Variants in VNN2 observed in about 807,000 individuals in gnomAD.
VNN2 encodes the protein pantetheine hydrolase VNN2.
A neutral mutation model predicts 43.0 loss-of-function variants in VNN2; 43 were observed. The observed-to-expected ratio is 1.00, with a 90% CI of 0.78 to 1.29. The LOEUF (loss-of-function observed/expected upper bound fraction) is 1.29, where lower values mean the gene tolerates loss of function less well. Ranked by LOEUF, VNN2 falls within the 50% of genes most tolerant of loss-of-function variation. VNN2 has a pLI of 0.00. For missense variants in VNN2, 652 were observed against 619.7 expected, an observed-to-expected ratio of 1.05 and a Z score of -0.55; for synonymous variants, 230 against 224.3, an observed-to-expected ratio of 1.03 and a Z score of -0.23.
upstream of VNN2, chr6:132,757,928 A>G (rs953850181): frequency 6.5e-7 from 1 of 1,538,612 alleles, no homozygotes; most frequent in Admixed American, 1.8e-5. Context: ...ACATTCATGT[A>G]GTATTTACAG....
rs761249311 is a variant in VNN2, at chr6:132,756,054, A to G, written c.345-19T>C. 3 of 1,516,696 alleles carry G rather than the reference A, an allele frequency of 2.0e-6. No homozygotes were observed. The highest frequency in any genetic ancestry group is 2.6e-6 in the Non-Finnish European group (3 of 1,134,368). The allele number at this position is 1,516,696 out of a possible 1,614,324, so 94.0% of individuals were successfully genotyped here. A position where few individuals can be genotyped will look rare whatever the true frequency, so the allele number is the denominator to read the frequency against. Reference sequence around the variant, plus strand: ...ACCAAATCTAAACCAAATTATAATTAAGAAATTTCAATTTTAAAAAAATAT... The same window carrying G: ...ACCAAATCTAAACCAAATTATAATTGAGAAATTTCAATTTTAAAAAAATAT... On this transcript the variant is annotated intron_variant, in intron 2 of 6. Transcript: ENST00000326499.
intron 3 of VNN2, chr6:132,753,434 A>G (rs1184776230): frequency 2.3e-6 from 1 of 443,628 alleles, no homozygotes. Context: ...GTCAGGTGAG[A>G]GATGTCATCT....
At chr6:132,744,967 C>T (rs916258216) in intron 6 of VNN2, among the ~76,000 whole-genome samples, 2 of 151,592 alleles carry the variant, frequency 1.3e-5, no homozygotes, top group East Asian at 1.9e-4. Context: ...ACACAAGCTG[C>T]CAAAAACTCA....
upstream of VNN2, among the ~76,000 whole-genome samples, chr6:132,761,288 T>C (rs1265802176): frequency 1.3e-5 from 2 of 151,946 alleles, no homozygotes; most frequent in African/African-American, 4.8e-5. Flanking sequence ...ATTTTGGGAT[T>C]AATGAACTTA....
Position 132,744,089 on chromosome 6 carries a change from A to G in VNN2, c.*211T>C. 2.5e-6 allele frequency: 1 copy of G among 400,544 alleles called. No homozygotes were observed. Among genetic ancestry groups the G allele is most frequent in the East Asian group, 4.8e-5 (1 of 20,930 alleles). 24.8% of individuals were successfully genotyped at this position (400,544 alleles called of 1,614,324 possible). ...TGACCCAAACACCCAGGCTCTTTCC[A>G]TTGTTCCACACTGCAACATTTCAGA... is the stretch of plus-strand genomic sequence containing the variant. On this transcript the variant is annotated 3_prime_UTR_variant, in exon 7 of 7. Transcript: ENST00000326499.
chr6:132,754,615 G>A (rs1331244548), intron 3 of VNN2, among the ~76,000 whole-genome samples: 1 of 152,140 alleles, frequency 6.6e-6, no homozygotes, highest in Non-Finnish European at 1.5e-5. Context: ...CATACTGCCT[G>A]TACATCACAC....
chr6:132,753,033 T>C (rs940312750), intron 3 of VNN2: 1 of 309,432 alleles, frequency 3.2e-6, no homozygotes, highest in African/African-American at 2.2e-5. Context: ...GTCCGTAAGC[T>C]TTTTTTAAAT....
intron 5 of VNN2, 134 bp downstream of exon 5, chr6:132,751,011 T>TTGTG (rs1554217890): frequency 2.1e-6 from 2 of 935,758 alleles, no homozygotes; most frequent in South Asian, 1.8e-5. Context: ...TGTGTGTGTG[T>TTGTG]TGTGTGTGTG....
In VNN2 at chr6:132,757,668, T is replaced by A. The variant is rs1001871909; in HGVS notation, c.213+3A>T. On this transcript the variant is annotated splice_donor_region_variant and intron_variant, in intron 1 of 6. Transcript: ENST00000326499. ...ATTATGATTAACAGAAATAAGAGAATACCTGCTCAGCTGCCTGCTTGATCG... is the reference window on the plus strand; with the variant it reads ...ATTATGATTAACAGAAATAAGAGAAAACCTGCTCAGCTGCCTGCTTGATCG... 19 of 1,613,644 alleles carry A rather than the reference T, an allele frequency of 1.2e-5. No individual in the cohort carries two copies. Among genetic ancestry groups the A allele is most frequent in the Non-Finnish European group, 1.5e-5 (18 of 1,179,662 alleles).
Position 132,757,728 on chromosome 6 carries a change from A to G in VNN2, c.156T>C (p.Asn52=). 2 of 1,614,120 alleles carry G rather than the reference A, an allele frequency of 1.2e-6. No homozygotes were observed. The highest frequency in any genetic ancestry group is 1.1e-5 in the South Asian group (1 of 91,088). ...GAATGTCTATATTCTCGTTCATGAG[A>G]TTCAAGGCATCCTCCTGAGAAACTG... ...ETPVSQEDAL[N]LMNENIDILE... The change falls in exon 1 of 7, where the codon AAT becomes AAC. Residue 52 remains asparagine (N), a synonymous_variant. Transcript: ENST00000326499.
At chr6:132,751,638 G>A (rs1460657194) in intron 4 of VNN2, 120 bp from the exon 5 acceptor site, 2 of 1,213,878 alleles carry the variant, frequency 1.6e-6, no homozygotes, top group Non-Finnish European at 1.1e-6. Flanking sequence ...GATGAGAGAG[G>A]ATACATGCTT....
Position 132,744,190 on chromosome 6 carries a change from C to T in VNN2, c.*110G>A. ...GATGAGAAAAAATATTTAGGACTCA[C>T]TGGTCTATACTACTGAAATAGCCCT... On this transcript the variant is annotated 3_prime_UTR_variant, in exon 7 of 7. Transcript: ENST00000326499. The T allele has an allele frequency of 1.2e-6, 1 of 851,256 alleles. No homozygotes were observed. Among genetic ancestry groups the T allele is most frequent in the South Asian group, 2.4e-5 (1 of 41,808 alleles). The allele number at this position is 851,256 out of a possible 1,614,324, so 52.7% of individuals were successfully genotyped here. A position where few individuals can be genotyped will look rare whatever the true frequency, so the allele number is the denominator to read the frequency against.
upstream of VNN2, chr6:132,758,017 TCTTCTTCTTCTTCTTCTTCTTC>T: frequency 4.9e-5 from 11 of 222,918 alleles, 1 homozygote; most frequent in African/African-American, 1.8e-4. Context: ...TTCTTCTTCT[TCTTCTTCTTCTTCTTCTTCTTC>T]TTTTTTTTTT....
intron 6 of VNN2, among the ~76,000 whole-genome samples, chr6:132,747,283 C>T (rs183245505): frequency 2.2e-4 from 34 of 152,210 alleles, no homozygotes; most frequent in Middle Eastern, 3.4e-3. Flanking sequence ...AAAATATCTC[C>T]TGTAACCCAT....
intron 5 of VNN2, among the ~76,000 whole-genome samples, chr6:132,750,379 CAT>C (rs1319017385): frequency 2.0e-5 from 3 of 151,798 alleles, no homozygotes; most frequent in African/African-American, 7.3e-5. Context: ...GTGGTTCACA[CAT>C]GTTATCCCAG....
At chr6:132,754,049 GAGGTACCCTC>G (rs1780306510) in intron 3 of VNN2, 1 of 151,374 alleles carries the variant, frequency 6.6e-6, no homozygotes, top group Non-Finnish European at 1.5e-5. Context: ...AACGGTCCCT[GAGGTACCCTC>G]AGGGAAGAGT....
At chr6:132,755,433 G>A (rs1780403490) in intron 3 of VNN2, among the ~76,000 whole-genome samples, 2 of 140,190 alleles carry the variant, frequency 1.4e-5, no homozygotes, top group African/African-American at 5.4e-5. Flanking sequence ...GGAGTGCAGT[G>A]ACACAATCTC....
upstream of VNN2, among the ~76,000 whole-genome samples, chr6:132,758,535 TCATAA>T (rs1043428482): frequency 1.3e-5 from 2 of 152,208 alleles, no homozygotes; most frequent in African/African-American, 4.8e-5. Context: ...TAATAGAAAC[TCATAA>T]CTAACTCTCG....
chr6:132,757,393 A>G (rs1351939422), intron 2 of VNN2, 23 bp downstream of exon 2: 2 of 1,569,514 alleles, frequency 1.3e-6, no homozygotes, highest in South Asian at 1.2e-5. Context: ...CTTTTGCACA[A>G]AAGACTAAGA....
Sources: allele counts gnomAD v4.1 joint callset (sites outside exome capture counted in the v4.1 genomes callset), GRCh38; gene constraint gnomAD v4.1.1; transcripts MANE v1.5; gene names NCBI Gene and HGNC (gene_info 2026-07-23, HGNC 2026-07-21).